Variants in STAT5B observed in about 807,000 individuals in gnomAD.
STAT5B encodes transcription factor STAT5B.
A neutral mutation model predicts 107.8 loss-of-function variants in STAT5B; 21 were observed. The observed-to-expected ratio is 0.19, with a 90% CI of 0.14 to 0.28. The LOEUF (loss-of-function observed/expected upper bound fraction) is 0.28, where lower values mean the gene tolerates loss of function less well. Ranked by LOEUF, STAT5B falls within the 10% of genes least tolerant of loss-of-function variation. The probability of loss-of-function intolerance (pLI) is 1.00; values close to 1 mark genes in which losing one functional copy is unlikely to be tolerated. For missense variants in STAT5B, 565 were observed against 1,008.2 expected (o/e 0.56, Z 5.95); for synonymous variants, 325 against 401.7 (o/e 0.81, Z 2.28).
intron 2 of STAT5B, among the ~76,000 whole-genome samples, chr17:42,229,147 G>A (rs1680339135): frequency 6.6e-6 from 1 of 152,072 alleles, no homozygotes; most frequent in South Asian, 2.1e-4. Context: ...CCCTTGGTCT[G>A]GAAACCCACT....
At chr17:42,262,629 G>C (rs2080608769) in intron 1 of STAT5B, among the ~76,000 whole-genome samples, 1 of 151,364 alleles carries the variant, frequency 6.6e-6, no homozygotes, top group Non-Finnish European at 1.5e-5. Flanking sequence ...TCACCATGAA[G>C]GGGAAAAGCC....
chr17:42,201,406 A>G lies in STAT5B; in HGVS notation c.*332T>C. Reference sequence around the variant, plus strand: ...GACACATGGCCAACTTCCAGGCTTCACGAAACTCACTGCCTTTTTGCACAA... The same window carrying G: ...GACACATGGCCAACTTCCAGGCTTCGCGAAACTCACTGCCTTTTTGCACAA... On this transcript the variant is annotated 3_prime_UTR_variant, in exon 19 of 19. Transcript: ENST00000293328. The G allele has an allele frequency of 1.7e-6, 1 of 596,558 alleles. No individual in the cohort carries two copies. Among genetic ancestry groups the G allele is most frequent in the Non-Finnish European group, 3.0e-6 (1 of 334,900 alleles). 37.0% of individuals were successfully genotyped at this position (596,558 alleles called of 1,614,324 possible).
chr17:42,220,756 G>A (rs917462170), intron 5 of STAT5B, among the ~76,000 whole-genome samples: 17 of 152,118 alleles, frequency 1.1e-4, no homozygotes, highest in South Asian at 2.1e-4. Flanking sequence ...CATTGATGGC[G>A]GGACAGGGAG....
intron 5 of STAT5B, among the ~76,000 whole-genome samples, chr17:42,222,261 T>G (rs1055966577): frequency 6.6e-6 from 1 of 151,990 alleles, no homozygotes; most frequent in African/African-American, 2.4e-5. Context: ...GAGACTGAGC[T>G]GGGCATGGAA....
chr17:42,217,360 T>C lies in STAT5B; in HGVS notation c.1257+17A>G. 6.2e-7 allele frequency: 1 copy of C among 1,614,214 alleles called. No homozygotes were observed. Among genetic ancestry groups the C allele is most frequent in the Non-Finnish European group, 8.5e-7 (1 of 1,180,038 alleles). On this transcript the variant is annotated intron_variant, in intron 10 of 18. Coordinates refer to ENST00000293328, the MANE Select transcript of STAT5B (RefSeq NM_012448.4). Reference sequence around the variant, plus strand: ...AGACCAGGGAAAAATTCATTCTTCCTCTTCTTCCACCCTCACCATATTCCT... The same window carrying C: ...AGACCAGGGAAAAATTCATTCTTCCCCTTCTTCCACCCTCACCATATTCCT...
At chr17:42,239,541 C>A (rs2080385257) in intron 1 of STAT5B, among the ~76,000 whole-genome samples, 1 of 152,006 alleles carries the variant, frequency 6.6e-6, no homozygotes, top group Admixed American at 6.6e-5. Flanking sequence ...TTATTATTAT[C>A]CCCCATCCAG....
intron 12 of STAT5B, among the ~76,000 whole-genome samples, chr17:42,215,779 C>T (rs1038922404): frequency 3.9e-5 from 6 of 152,062 alleles, no homozygotes; most frequent in African/African-American, 1.4e-4. Context: ...CCACCACACC[C>T]AGCTAATTTT....
At chr17:42,226,662 G>A (rs2080274419) in intron 3 of STAT5B, among the ~76,000 whole-genome samples, 1 of 151,674 alleles carries the variant, frequency 6.6e-6, no homozygotes, top group African/African-American at 2.4e-5. Context: ...ACAAAAATTA[G>A]GCGGGTGTGG....
Position 42,201,317 on chromosome 17 carries a change from C to T in STAT5B, c.*421G>A. ...ACGAAGACTCACTGGAGCACATGTGCTTTCTCCTCCCTTTGTCCTTCTCTT... is the reference window on the plus strand; with the variant it reads ...ACGAAGACTCACTGGAGCACATGTGTTTTCTCCTCCCTTTGTCCTTCTCTT... On this transcript the variant is annotated 3_prime_UTR_variant, in exon 19 of 19. Transcript: ENST00000293328. 1.8e-6 allele frequency: 1 copy of T among 544,482 alleles called. No homozygotes were observed. The highest frequency in any genetic ancestry group is 3.4e-5 in the Admixed American group (1 of 29,744). 33.7% of individuals were successfully genotyped at this position (544,482 alleles called of 1,614,324 possible). A position where few individuals can be genotyped will look rare whatever the true frequency, so the allele number is the denominator to read the frequency against.
At chr17:42,263,071 T>G (rs2144402846) in intron 1 of STAT5B, among the ~76,000 whole-genome samples, 1 of 137,742 alleles carries the variant, frequency 7.3e-6, no homozygotes, top group Non-Finnish European at 1.6e-5. Flanking sequence ...TCTCTGTCCA[T>G]TGCCCGGGCT....
At chr17:42,276,494 T>C (rs1321344089), upstream of STAT5B, 1 of 149,518 alleles carries the variant, frequency 6.7e-6, no homozygotes, top group Admixed American at 6.6e-5. This position sits in a 1 kb window ranked among gnomAD's most constrained non-coding sequence, Gnocchi z 4.8. Flanking sequence ...CGCTTCCTGG[T>C]TCCGCCCGGC....
chr17:42,261,025 TC>T (rs2080591547), intron 1 of STAT5B, among the ~76,000 whole-genome samples: 2 of 151,876 alleles, frequency 1.3e-5, no homozygotes, highest in Admixed American at 6.6e-5. Flanking sequence ...CAAATGATTC[TC>T]CTGCCTCAGC....
intron 1 of STAT5B, among the ~76,000 whole-genome samples, chr17:42,262,567 C>T (rs559932634): frequency 6.6e-6 from 1 of 151,600 alleles, no homozygotes; most frequent in Non-Finnish European, 1.5e-5. Flanking sequence ...TTAAGTGTGA[C>T]TAATGGAATT....
chr17:42,279,869 C>T (rs1029177737), upstream of STAT5B, among the ~76,000 whole-genome samples: 1 of 151,898 alleles, frequency 6.6e-6, no homozygotes, highest in South Asian at 2.1e-4. Flanking sequence ...GCTCTAGGCA[C>T]ATCTCTGACT....
chr17:42,207,762 C>A (rs1056785579), intron 15 of STAT5B, 34 bp from the exon 16 acceptor site: 12 of 1,611,732 alleles, frequency 7.4e-6, no homozygotes, highest in Non-Finnish European at 1.0e-5. Flanking sequence ...ACATTCTAAA[C>A]ATGATTTCTG....
intron 1 of STAT5B, among the ~76,000 whole-genome samples, chr17:42,237,579 G>A (rs1385289112): frequency 6.6e-6 from 1 of 152,096 alleles, no homozygotes; most frequent in Non-Finnish European, 1.5e-5. Flanking sequence ...TGGGGTGGGA[G>A]TAGGGGGTTA....
chr17:42,243,429 T>C (rs2080422433), intron 1 of STAT5B, among the ~76,000 whole-genome samples: 1 of 152,200 alleles, frequency 6.6e-6, no homozygotes, highest in Admixed American at 6.5e-5. Flanking sequence ...TTATCACTGC[T>C]AAATTTCTTG....
At chr17:42,262,942 ATGTGTGTGTGTGTGTG>A (rs755220447) in intron 1 of STAT5B, among the ~76,000 whole-genome samples, 1 of 45,430 alleles carries the variant, frequency 2.2e-5, no homozygotes, top group African/African-American at 9.2e-5. Context: ...ATGTATATAT[ATGTGTGTGTGTGTGTG>A]TGTGTGTGTG....
At position 42,235,657 on chromosome 17, in the gene STAT5B, T is replaced by C. The variant is rs1050396750; in HGVS notation, c.-10-3520A>G. Among the ~76,000 whole-genome samples, 7 of 152,236 alleles carry C rather than the reference T, an allele frequency of 4.6e-5. No individual in the cohort carries two copies. The East Asian group carries it at 9.6e-4, about 21-fold the overall frequency. On this transcript the variant is annotated intron_variant, in intron 1 of 18. Transcript: ENST00000293328. ...CACGCCCAGCTAAGTTTTGTATTTT[T>C]AGTAGAGATGGGGTTTCACCATGTT...
Sources: allele counts gnomAD v4.1 joint callset (sites outside exome capture counted in the v4.1 genomes callset), GRCh38; gene constraint gnomAD v4.1.1; non-coding constraint Gnocchi (gnomAD v3.1); transcripts MANE v1.5; gene names NCBI Gene and HGNC (gene_info 2026-07-23, HGNC 2026-07-21).